The following RPS6KC1 variants were observed in gnomAD, a reference collection of about 807,000 sequenced individuals.
RPS6KC1 encodes the protein ribosomal protein S6 kinase C1.
RPS6KC1 carries 54 observed loss-of-function variants against 103.8 expected under a neutral mutation model. The observed-to-expected ratio is 0.52, with a 90% CI of 0.42 to 0.65. The LOEUF (loss-of-function observed/expected upper bound fraction) is 0.65, where lower values mean the gene tolerates loss of function less well. Ranked by LOEUF, RPS6KC1 falls within the 30% of genes least tolerant of loss-of-function variation. The probability of loss-of-function intolerance (pLI) is 0.00; values close to 1 mark genes in which losing one functional copy is unlikely to be tolerated. For missense variants in RPS6KC1, 1,151 were observed against 1,253.8 expected (o/e 0.92, Z 1.24); for synonymous variants, 439 against 438.7 (o/e 1.00, Z -0.01).
chr1:213,378,609 C>T, the RPS6KC1 span, among the ~76,000 whole-genome samples: 1 of 152,022 alleles, frequency 6.6e-6, no homozygotes, highest in Non-Finnish European at 1.5e-5. Flanking sequence ...CAGGTACTGC[C>T]CCACCATTAT....
At chr1:213,307,444 G>A in the RPS6KC1 span, among the ~76,000 whole-genome samples, 26 of 152,256 alleles carry the variant, frequency 1.7e-4, no homozygotes, top group South Asian at 4.2e-3. Context: ...AACTGAAGGC[G>A]TAAGGACGTA....
chr1:213,290,470 TG>T, the RPS6KC1 span, among the ~76,000 whole-genome samples: 4 of 152,194 alleles, frequency 2.6e-5, no homozygotes, highest in African/African-American at 7.2e-5. Flanking sequence ...GCCTGCACGT[TG>T]GGTGGCAGGA....
chr1:213,150,247 G>T (rs2088510718), intron 6 of RPS6KC1, among the ~76,000 whole-genome samples: 1 of 151,814 alleles, frequency 6.6e-6, no homozygotes, highest in Non-Finnish European at 1.5e-5. Flanking sequence ...TAGTGAAGGT[G>T]ATAGGATTTA....
the RPS6KC1 span, among the ~76,000 whole-genome samples, chr1:213,334,830 C>A: frequency 2.6e-5 from 4 of 152,094 alleles, no homozygotes; most frequent in Non-Finnish European, 5.9e-5. Flanking sequence ...TATCCATTTC[C>A]TGTATCTATC....
At chr1:213,637,290 C>CT in the RPS6KC1 span, among the ~76,000 whole-genome samples, 1 of 146,642 alleles carries the variant, frequency 6.8e-6, no homozygotes, top group East Asian at 1.9e-4. Flanking sequence ...ATAAATCATG[C>CT]TACTATAAAG....
chr1:213,259,020 A>G (rs921819885), intron 12 of RPS6KC1, among the ~76,000 whole-genome samples: 1 of 152,210 alleles, frequency 6.6e-6, no homozygotes, highest in African/African-American at 2.4e-5. Context: ...CCCTCATGTT[A>G]TAGATGACAT....
At chr1:213,479,171 A>T in the RPS6KC1 span, among the ~76,000 whole-genome samples, 1 of 151,972 alleles carries the variant, frequency 6.6e-6, no homozygotes, top group Admixed American at 6.6e-5. Flanking sequence ...ATTCTTTTTA[A>T]CTTTTTGTAC....
downstream of RPS6KC1, among the ~76,000 whole-genome samples, chr1:213,276,787 A>T (rs1025339145): frequency 6.6e-6 from 1 of 152,222 alleles, no homozygotes; most frequent in Admixed American, 6.5e-5. Context: ...GTTGTTTCTC[A>T]TTCAGTTCTA....
chr1:213,591,443 G>A, the RPS6KC1 span, among the ~76,000 whole-genome samples: 1 of 151,954 alleles, frequency 6.6e-6, no homozygotes, highest in African/African-American at 2.4e-5. Context: ...CATGTTTCTC[G>A]GTTACCTGAT....
the RPS6KC1 span, among the ~76,000 whole-genome samples, chr1:213,495,660 A>C: frequency 6.6e-6 from 1 of 152,210 alleles, no homozygotes; most frequent in African/African-American, 2.4e-5. Flanking sequence ...AGAAGGACAG[A>C]GAAGTTAAGT....
At chr1:213,140,104 G>T (rs888115808) in intron 6 of RPS6KC1, among the ~76,000 whole-genome samples, 1 of 151,946 alleles carries the variant, frequency 6.6e-6, no homozygotes, top group Non-Finnish European at 1.5e-5. Context: ...TTTTGTGGCT[G>T]TTGTGAATGG....
chr1:213,157,032 G>A (rs1033422291), intron 6 of RPS6KC1, among the ~76,000 whole-genome samples: 6 of 151,730 alleles, frequency 4.0e-5, no homozygotes, highest in African/African-American at 1.2e-4. Context: ...TTTCAATGTT[G>A]GTGTTTAAAA....
chr1:213,334,845 G>T, the RPS6KC1 span, among the ~76,000 whole-genome samples: 7 of 152,096 alleles, frequency 4.6e-5, no homozygotes, highest in Admixed American at 2.0e-4. Context: ...TCTATCTAGA[G>T]ATATATATAT....
At chr1:213,109,430 C>T (rs987940803) in intron 4 of RPS6KC1, among the ~76,000 whole-genome samples, 1 of 152,202 alleles carries the variant, frequency 6.6e-6, no homozygotes, top group Admixed American at 6.5e-5. Context: ...AGCAACCGTG[C>T]CCGGCCCGAT....
chr1:213,605,411 A>G, the RPS6KC1 span, among the ~76,000 whole-genome samples: 2 of 152,338 alleles, frequency 1.3e-5, no homozygotes, highest in South Asian at 2.1e-4. Flanking sequence ...TTATCCTAGC[A>G]ACTGCTGAAA....
the RPS6KC1 span, among the ~76,000 whole-genome samples, chr1:213,707,473 A>G: frequency 1.3e-5 from 2 of 152,272 alleles, no homozygotes; most frequent in African/African-American, 4.8e-5. Flanking sequence ...ATAGATTGCA[A>G]AAATTTTCTC....
chr1:213,453,321 G>A, the RPS6KC1 span, among the ~76,000 whole-genome samples: 4 of 152,170 alleles, frequency 2.6e-5, no homozygotes, highest in Admixed American at 2.6e-4. Flanking sequence ...ATATGAGAAA[G>A]ATAATCATGC....
At chr1:213,113,817 A>C (rs1179355643) in intron 4 of RPS6KC1, among the ~76,000 whole-genome samples, 2 of 152,148 alleles carry the variant, frequency 1.3e-5, no homozygotes, top group Non-Finnish European at 2.9e-5. Flanking sequence ...TAAATAGGGA[A>C]TCCTTTCCCC....
chr1:213,325,662 A>C, the RPS6KC1 span, among the ~76,000 whole-genome samples: 728 of 152,320 alleles, frequency 4.8e-3, 4 homozygotes, highest in African/African-American at 0.013. Context: ...TCTGGGAAAG[A>C]GGAAGGAAGT....
Sources: allele counts gnomAD v4.1 joint callset (sites outside exome capture counted in the v4.1 genomes callset), GRCh38; gene constraint gnomAD v4.1.1; transcripts MANE v1.5; gene names NCBI Gene and HGNC (gene_info 2026-07-23, HGNC 2026-07-21).